ANKS1B: variants seen among roughly 807,000 people sequenced by gnomAD.
ANKS1B encodes ankyrin repeat and sterile alpha motif domain-containing protein 1B.
In ANKS1B, 36 loss-of-function variants were observed where a neutral mutation model predicts 148.3. That is an observed-to-expected ratio of 0.24 (90% CI 0.19 to 0.32). The LOEUF (loss-of-function observed/expected upper bound fraction) is 0.32, where lower values mean the gene tolerates loss of function less well. Ranked by LOEUF, ANKS1B falls within the 10% of genes least tolerant of loss-of-function variation. ANKS1B has a pLI of 1.00. For missense variants in ANKS1B, 1,157 were observed against 1,542.6 expected, an observed-to-expected ratio of 0.75 and a Z score of 4.19; for synonymous variants, 542 against 560.8, an observed-to-expected ratio of 0.97 and a Z score of 0.47.
intron 1 of ANKS1B, among the ~76,000 whole-genome samples, chr12:99,827,687 A>G (rs1319639399): frequency 6.6e-6 from 1 of 152,234 alleles, no homozygotes; most frequent in African/African-American, 2.4e-5. Flanking sequence ...AAATACCACA[A>G]TGACATGCTA....
At chr12:98,959,454 A>G (rs2099867665) in intron 17 of ANKS1B, among the ~76,000 whole-genome samples, 1 of 152,082 alleles carries the variant, frequency 6.6e-6, no homozygotes, top group Admixed American at 6.5e-5. Context: ...AGACTTACAC[A>G]TTTGCTCCAA....
At chr12:98,773,638 A>G (rs192101715) in intron 24 of ANKS1B, among the ~76,000 whole-genome samples, 1 of 152,298 alleles carries the variant, frequency 6.6e-6, no homozygotes, top group Admixed American at 6.5e-5. Context: ...TATTTTTAGT[A>G]GAGACGGGGT....
intron 1 of ANKS1B, among the ~76,000 whole-genome samples, chr12:99,847,865 T>C (rs1352782722): frequency 6.6e-6 from 1 of 152,110 alleles, no homozygotes; most frequent in African/African-American, 2.4e-5. Context: ...ATTCAGTCCA[T>C]GGTTGAACTT....
intron 12 of ANKS1B, among the ~76,000 whole-genome samples, chr12:99,359,315 CTT>C (rs1390801259): frequency 6.6e-6 from 1 of 152,006 alleles, no homozygotes; most frequent in Non-Finnish European, 1.5e-5. Context: ...ACCTTTCTCT[CTT>C]GTTATATTTA....
At chr12:98,927,257 C>G (rs1429797610) in intron 17 of ANKS1B, among the ~76,000 whole-genome samples, 1 of 152,050 alleles carries the variant, frequency 6.6e-6, no homozygotes, top group African/African-American at 2.4e-5. Context: ...GCAAAACCAC[C>G]AGTTAAAAAC....
At position 99,554,265 on chromosome 12, in the gene ANKS1B, G is replaced by C. The variant is rs187119029; in HGVS notation, c.1273-49624C>G. 8.7e-4 allele frequency among the ~76,000 whole-genome samples: 132 copies of C among 152,306 alleles called. 1 individual carries two copies. Among genetic ancestry groups the C allele is most frequent in the South Asian group, 2.1e-4 (1 of 4,830 alleles). ...TCTATGAGATACTGTGGAAGGTACA[G>C]TTATATATCTCTGAGCCAGTGCAGA... On this transcript the variant is annotated intron_variant, in intron 9 of 26. Transcript: ENST00000683438.
intron 9 of ANKS1B, among the ~76,000 whole-genome samples, chr12:99,577,192 G>A (rs1056190812): frequency 1.3e-5 from 2 of 151,248 alleles, no homozygotes; most frequent in African/African-American, 4.9e-5. Context: ...TTTTTACCCA[G>A]TTAAGATTAT....
intron 17 of ANKS1B, among the ~76,000 whole-genome samples, chr12:98,977,267 T>A (rs1028500714): frequency 1.3e-5 from 2 of 152,182 alleles, no homozygotes; most frequent in Non-Finnish European, 2.9e-5. Flanking sequence ...ATGTAAAACT[T>A]AAATCATTTT....
intron 14 of ANKS1B, among the ~76,000 whole-genome samples, chr12:99,231,614 CT>C (rs1282731123): frequency 2.0e-5 from 3 of 151,590 alleles, no homozygotes; most frequent in Non-Finnish European, 2.9e-5. Flanking sequence ...TTTTAGCATC[CT>C]TTTTTTTAGT....
At chr12:99,859,945 G>A (rs1051255304) in intron 1 of ANKS1B, among the ~76,000 whole-genome samples, 1 of 152,200 alleles carries the variant, frequency 6.6e-6, no homozygotes, top group Non-Finnish European at 1.5e-5. Context: ...ACCGCGCCCG[G>A]CCGAAAGTAT....
At chr12:98,845,448 C>G (rs7954230) in intron 17 of ANKS1B, among the ~76,000 whole-genome samples, 3,918 of 152,182 alleles carry the variant, frequency 0.026, 161 homozygotes, top group East Asian at 0.097. Context: ...TATTTTTCTC[C>G]CAGAGACTCA....
At position 99,509,396 on chromosome 12, in the gene ANKS1B, G is replaced by A. The variant is rs138269962; in HGVS notation, c.1273-4755C>T. 1.3e-3 allele frequency among the ~76,000 whole-genome samples: 200 copies of A among 151,996 alleles called. 2 individuals are homozygous for A. Among genetic ancestry groups the A allele is most frequent in the African/African-American group, 4.6e-3 (193 of 41,520 alleles). ...GAATGCAAAGGAAAAGTTCTTGAAG[G>A]AAATTAAAAGTGCTACTCCAGTGAA... On this transcript the variant is annotated intron_variant, in intron 9 of 26. Transcript: ENST00000683438.
intron 9 of ANKS1B, chr12:99,649,168 T>G: frequency 1.3e-6 from 1 of 796,602 alleles, no homozygotes; most frequent in Non-Finnish European, 2.1e-6. Flanking sequence ...CTTATATACA[T>G]TGGTGGCAAC....
intron 1 of ANKS1B, among the ~76,000 whole-genome samples, chr12:99,851,705 T>C (rs574987942): frequency 6.6e-6 from 1 of 152,280 alleles, no homozygotes; most frequent in Non-Finnish European, 1.5e-5. Context: ...ATGATGTTGG[T>C]AACCCAGACA....
chr12:99,972,161 A>G (rs895284776), intron 1 of ANKS1B, among the ~76,000 whole-genome samples: 1 of 152,188 alleles, frequency 6.6e-6, no homozygotes, highest in Non-Finnish European at 1.5e-5. Flanking sequence ...CGGATACAAC[A>G]ATATTAAAAT....
At chr12:99,830,794 C>T (rs1367104095) in intron 1 of ANKS1B, among the ~76,000 whole-genome samples, 1 of 152,134 alleles carries the variant, frequency 6.6e-6, no homozygotes, top group East Asian at 1.9e-4. Context: ...AACCTCATTC[C>T]TACCCTCTTT....
chr12:99,241,843 C>G (rs1159392247), intron 14 of ANKS1B, among the ~76,000 whole-genome samples: 1 of 152,162 alleles, frequency 6.6e-6, no homozygotes, highest in Non-Finnish European at 1.5e-5. Flanking sequence ...TGACAAAATT[C>G]AACAGCCCTT....
intron 1 of ANKS1B, among the ~76,000 whole-genome samples, chr12:99,930,282 T>C (rs1242900143): frequency 6.6e-6 from 1 of 152,006 alleles, no homozygotes; most frequent in Non-Finnish European, 1.5e-5. Context: ...AGTTCACTCA[T>C]GATTTGGCTC....
chr12:99,939,714 T>TC (rs1420961256), intron 1 of ANKS1B, among the ~76,000 whole-genome samples: 2 of 152,208 alleles, frequency 1.3e-5, no homozygotes, highest in Non-Finnish European at 2.9e-5. Flanking sequence ...AGAAAAGTGT[T>TC]CAACTGTTAC....
Sources: gnomAD v4.1 joint callset for allele counts (sites outside exome capture counted in the v4.1 genomes callset) on GRCh38, gnomAD v4.1.1 for gene constraint, MANE v1.5 for transcripts, NCBI Gene and HGNC (gene_info 2026-07-23, HGNC 2026-07-21) for gene names.